Variants in WDR41 observed in about 807,000 individuals in gnomAD.
The protein encoded by WDR41 is WD repeat domain 41.
In WDR41, 63 loss-of-function variants were observed where a neutral mutation model predicts 69.3. The ratio of observed to expected loss-of-function variants is 0.91; its 90% CI spans 0.74 to 1.12. The LOEUF is 1.12. Ranked by LOEUF, WDR41 falls within the 50% of genes most tolerant of loss-of-function variation. WDR41 has a pLI of 0.00. For synonymous variants in WDR41, 185 were observed against 192.1 expected, an observed-to-expected ratio of 0.96 and a Z score of 0.31; for missense variants, 543 against 534.5, an observed-to-expected ratio of 1.02 and a Z score of -0.16.
intron 1 of WDR41, among the ~76,000 whole-genome samples, chr5:77,548,328 C>A (rs1743235236): frequency 1.3e-5 from 2 of 152,214 alleles, no homozygotes; most frequent in South Asian, 2.1e-4. Flanking sequence ...AAGGAACAGT[C>A]AGCAGAGTAA....
At chr5:77,464,887 A>C in intron 2 of WDR41, 78 bp from the exon 3 acceptor site, 1 of 1,422,938 alleles carries the variant, frequency 7.0e-7, no homozygotes. Flanking sequence ...ATCAAACCTT[A>C]TTAGTGGTAT....
At chr5:77,562,177 G>T (rs114721736) in intron 1 of WDR41, among the ~76,000 whole-genome samples, 1 of 152,110 alleles carries the variant, frequency 6.6e-6, no homozygotes, top group South Asian at 2.1e-4. Flanking sequence ...GATCTGCTGC[G>T]CTTGTCACAG....
chr5:77,504,153 A>AG (rs958520880), intron 1 of WDR41, among the ~76,000 whole-genome samples: 1 of 151,826 alleles, frequency 6.6e-6, no homozygotes, highest in Admixed American at 6.6e-5. Flanking sequence ...GAAAAAAAAA[A>AG]GAGAAGAATC....
At chr5:77,530,646 G>GT (rs1802514137) in intron 1 of WDR41, among the ~76,000 whole-genome samples, 1 of 151,666 alleles carries the variant, frequency 6.6e-6, no homozygotes, top group Non-Finnish European at 1.5e-5. Flanking sequence ...TAGTGATAAT[G>GT]TTTTATCTTG....
chr5:77,488,642 G>T (rs549672446), intron 2 of WDR41, among the ~76,000 whole-genome samples: 8 of 152,206 alleles, frequency 5.3e-5, no homozygotes, highest in Non-Finnish European at 1.2e-4. Flanking sequence ...GATTAGGACG[G>T]CATTCAATGT....
At chr5:77,558,841 G>T (rs1288399744) in intron 1 of WDR41, among the ~76,000 whole-genome samples, 7 of 151,966 alleles carry the variant, frequency 4.6e-5, no homozygotes, top group Admixed American at 3.3e-4. Context: ...TTATGAATAT[G>T]TGATTACTTT....
At chr5:77,526,323 A>C (rs1179545802) in intron 1 of WDR41, among the ~76,000 whole-genome samples, 2 of 150,564 alleles carry the variant, frequency 1.3e-5, no homozygotes, top group Non-Finnish European at 3.0e-5. Context: ...TTTTTTTTTT[A>C]CTACAATGTG....
chr5:77,434,526 G>GAC (rs1798864130), intron 12 of WDR41, among the ~76,000 whole-genome samples: 1 of 151,898 alleles, frequency 6.6e-6, no homozygotes, highest in African/African-American at 2.4e-5. Context: ...CCAACATGGT[G>GAC]ACACCCCATC....
At chr5:77,537,952 A>G (rs1412968679) in intron 1 of WDR41, among the ~76,000 whole-genome samples, 1 of 152,130 alleles carries the variant, frequency 6.6e-6, no homozygotes, top group African/African-American at 2.4e-5. Flanking sequence ...TGGGGGTTTT[A>G]TATAAACATA....
chr5:77,496,558 G>A (rs143875749), upstream of WDR41, among the ~76,000 whole-genome samples: 2 of 152,070 alleles, frequency 1.3e-5, no homozygotes, highest in Non-Finnish European at 2.9e-5. Context: ...ATCTAACCCT[G>A]GAGGTGAAAG....
chr5:77,620,496 G>C (rs750394254), exon 1 of WDR41: 22 of 395,788 alleles, frequency 5.6e-5, no homozygotes, highest in Non-Finnish European at 9.8e-5. Context: ...GTTTCCCCTG[G>C]ACTTGAACAA....
intron 1 of WDR41, among the ~76,000 whole-genome samples, chr5:77,515,467 T>C (rs1277030733): frequency 6.6e-6 from 1 of 152,218 alleles, no homozygotes; most frequent in African/African-American, 2.4e-5. Flanking sequence ...AGGATCAGCC[T>C]GAGGCTGTTT....
intron 1 of WDR41, among the ~76,000 whole-genome samples, chr5:77,553,696 T>C (rs1027816173): frequency 3.9e-5 from 6 of 152,154 alleles, no homozygotes; most frequent in African/African-American, 1.4e-4. Flanking sequence ...AGATATTCAA[T>C]ATCATAAGCT....
In WDR41 at chr5:77,567,124, T is replaced by C. The variant is rs554457312; in HGVS notation, c.42+53355A>G. On this transcript the variant is annotated intron_variant, in intron 1 of 5. Transcript: ENST00000509971. ...ACTGATATCGGCTTCCACATACTTATTAGAGGTTCTACTAGAACAGGTAAT... is the reference window on the plus strand; with the variant it reads ...ACTGATATCGGCTTCCACATACTTACTAGAGGTTCTACTAGAACAGGTAAT... Among the ~76,000 whole-genome samples, 3 of 152,284 alleles carry C rather than the reference T, an allele frequency of 2.0e-5. No homozygotes were observed. In the East Asian group the frequency reaches 5.8e-4, roughly 29 times the overall value.
At chr5:77,575,090 A>G (rs1334990039) in intron 1 of WDR41, among the ~76,000 whole-genome samples, 1 of 152,220 alleles carries the variant, frequency 6.6e-6, no homozygotes, top group Non-Finnish European at 1.5e-5. Context: ...CTACTGAGAT[A>G]TAGGAATGAT....
Position 77,614,563 on chromosome 5 carries a change from G to A in WDR41, c.42+5916C>T, listed in dbSNP as rs1396822199. Among the ~76,000 whole-genome samples the A allele has an allele frequency of 3.1e-3, 455 of 145,256 alleles. 4 individuals carry two copies. Among genetic ancestry groups the A allele is most frequent in the African/African-American group, 0.011 (430 of 39,280 alleles). ...TCGCAAGGACGAAAAACCAAACACCGCATGTTCTCACTCATAGGTGGGAAT... is the reference window on the plus strand; with the variant it reads ...TCGCAAGGACGAAAAACCAAACACCACATGTTCTCACTCATAGGTGGGAAT... On this transcript the variant is annotated intron_variant, in intron 1 of 5. Transcript: ENST00000509971.
intron 2 of WDR41, among the ~76,000 whole-genome samples, chr5:77,486,196 C>T (rs1252839435): frequency 1.3e-5 from 2 of 152,112 alleles, no homozygotes; most frequent in African/African-American, 2.4e-5. Context: ...TTTTTTAGTA[C>T]ACTACAGAAT....
At chr5:77,602,916 C>T (rs777328156) in intron 1 of WDR41, among the ~76,000 whole-genome samples, 1 of 151,100 alleles carries the variant, frequency 6.6e-6, no homozygotes, top group Non-Finnish European at 1.5e-5. Context: ...TTTGCATCCT[C>T]ACCAGCATCT....
intron 1 of WDR41, chr5:77,491,730 GCCAGGAAGAGACA>G (rs1801798449): frequency 6.0e-6 from 1 of 167,722 alleles, no homozygotes; most frequent in African/African-American, 2.4e-5. Flanking sequence ...ATCAGTAGAC[GCCAGGAAGAGACA>G]CCAATTCAAA....
Sources: allele counts gnomAD v4.1 joint callset (sites outside exome capture counted in the v4.1 genomes callset), GRCh38; gene constraint gnomAD v4.1.1; transcripts MANE v1.5; gene names NCBI Gene and HGNC (gene_info 2026-07-23, HGNC 2026-07-21).